Variants in BAD observed in about 807,000 individuals in gnomAD.
BAD encodes the protein bcl2-associated agonist of cell death.
BAD carries 18 observed loss-of-function variants against 17.8 expected under a neutral mutation model. The ratio of observed to expected loss-of-function variants is 1.01; its 90% CI spans 0.70 to 1.50. BAD has a LOEUF of 1.50. BAD is among the 40% of genes most tolerant of loss of function. BAD has a pLI of 0.00. For missense variants in BAD, 294 were observed against 239.3 expected (o/e 1.23, Z -1.51); for synonymous variants, 112 against 91.5 (o/e 1.22, Z -1.28).
intron 2 of BAD, among the ~76,000 whole-genome samples, chr11:64,277,291 C>T (rs1239971084): frequency 6.6e-6 from 1 of 152,210 alleles, no homozygotes; most frequent in Admixed American, 6.5e-5. Context: ...CAGACACTCG[C>T]AGCCTGTCCG....
chr11:64,284,528 C>G, intron 1 of BAD, 103 bp downstream of exon 1: 1 of 1,529,026 alleles, frequency 6.5e-7, no homozygotes, highest in Middle Eastern at 1.8e-4. Context: ...CGGGTCTGGC[C>G]TGGCAGGGAG....
chr11:64,282,243 G>T (rs1025545186), intron 2 of BAD, among the ~76,000 whole-genome samples: 2 of 152,158 alleles, frequency 1.3e-5, no homozygotes, highest in African/African-American at 4.8e-5. Context: ...AGTGTGTGTG[G>T]GGGGCAGAGA....
intron 3 of BAD, 108 bp from the exon 4 acceptor site, chr11:64,270,445 G>A (rs1266566134): frequency 5.7e-6 from 8 of 1,406,980 alleles, no homozygotes; most frequent in Non-Finnish European, 7.6e-6. Flanking sequence ...GGGAGATAAT[G>A]AAGGCCACAA....
chr11:64,280,228 G>A (rs2033360482), intron 2 of BAD, among the ~76,000 whole-genome samples: 1 of 150,732 alleles, frequency 6.6e-6, no homozygotes, highest in Non-Finnish European at 1.5e-5. Flanking sequence ...GCTGAGGCAG[G>A]AGAATGGCGT....
At chr11:64,280,546 T>C (rs1591170899) in intron 2 of BAD, among the ~76,000 whole-genome samples, 1 of 148,036 alleles carries the variant, frequency 6.8e-6, no homozygotes, top group African/African-American at 2.5e-5. Flanking sequence ...AGAGACGGGG[T>C]TTCACCGTGT....
At chr11:64,281,194 C>T (rs914035653) in intron 2 of BAD, among the ~76,000 whole-genome samples, 4 of 152,078 alleles carry the variant, frequency 2.6e-5, no homozygotes, top group Non-Finnish European at 2.9e-5. Flanking sequence ...TCTCTATCTC[C>T]TGACCTCATG....
chr11:64,283,144 G>A (rs941674300), intron 2 of BAD, among the ~76,000 whole-genome samples: 14 of 152,214 alleles, frequency 9.2e-5, no homozygotes, highest in African/African-American at 2.7e-4. Flanking sequence ...GTAAGAGAGC[G>A]AGGGGAAAGA....
chr11:64,270,155 G>A lies in BAD; in HGVS notation c.*54C>T, dbSNP rs759247628. ...GGGAAGTACTTCCGCCCATATTCAA[G>A]ATGGCTGCCCAGGGCAGTGGGAACG... On this transcript the variant is annotated 3_prime_UTR_variant, in exon 4 of 4. Transcript: ENST00000309032. 114 of 1,613,332 alleles carry A rather than the reference G, an allele frequency of 7.1e-5. No homozygotes were observed. The highest frequency in any genetic ancestry group is 9.6e-5 in the Non-Finnish European group (113 of 1,179,640).
chr11:64,270,511 C>T, intron 3 of BAD, 174 bp from the exon 4 acceptor site: 1 of 841,830 alleles, frequency 1.2e-6, no homozygotes, highest in Non-Finnish European at 1.9e-6. Context: ...CGCATGGGCC[C>T]CCAGGAATGG....
At chr11:64,284,139 G>T in intron 2 of BAD, 43 bp downstream of exon 2, 1 of 1,526,350 alleles carries the variant, frequency 6.6e-7, no homozygotes. Flanking sequence ...CCAGTGGGCT[G>T]GGGGTGAGGT....
At chr11:64,273,838 C>T (rs1420793487) in intron 2 of BAD, among the ~76,000 whole-genome samples, 4 of 140,604 alleles carry the variant, frequency 2.8e-5, no homozygotes, top group South Asian at 2.3e-4. Flanking sequence ...GCCAAGATCA[C>T]GCCACTGCAC....
chr11:64,270,040 C>T lies in BAD; in HGVS notation c.*169G>A, dbSNP rs2032390378. 5.5e-6 allele frequency: 7 copies of T among 1,277,782 alleles called. No homozygotes were observed. Among genetic ancestry groups the T allele is most frequent in the South Asian group, 3.9e-5 (3 of 75,958 alleles). The allele number at this position is 1,277,782 out of a possible 1,614,324, so 79.2% of individuals were successfully genotyped here. On this transcript the variant is annotated 3_prime_UTR_variant, in exon 4 of 4. Transcript: ENST00000309032. ...CCCAAAACTTCCGATGGGACCAAGC[C>T]TTCCGTGGCTTCACACGCACCGGAA...
intron 3 of BAD, among the ~76,000 whole-genome samples, chr11:64,271,060 GACACAC>G (rs1227014220): frequency 1.2e-3 from 1 of 848 alleles, no homozygotes; most frequent in Non-Finnish European, 6.2e-3. Flanking sequence ...CCCTGTGACT[GACACAC>G]ACACACACAC....
intron 2 of BAD, among the ~76,000 whole-genome samples, chr11:64,281,772 G>A (rs545290322): frequency 6.6e-6 from 1 of 152,284 alleles, no homozygotes; most frequent in African/African-American, 2.4e-5. Flanking sequence ...CCAGGCTGGA[G>A]TGCAGTGGCA....
chr11:64,274,218 C>T lies in BAD; in HGVS notation c.188-2415G>A, dbSNP rs549533700. Among the ~76,000 whole-genome samples the T allele has an allele frequency of 2.6e-5, 4 of 151,262 alleles. No homozygotes were observed. The East Asian group carries it at 7.9e-4, about 30-fold the overall frequency. On this transcript the variant is annotated intron_variant, in intron 2 of 3. Transcript: ENST00000309032. ...CCATCCTAACACGGTGAAACCCCAT[C>T]TGTACTAAAAGTACAAAAAATTAGC...
chr11:64,270,647 G>C (rs1449236996), intron 3 of BAD: 2 of 612,360 alleles, frequency 3.3e-6, no homozygotes, highest in South Asian at 3.0e-5. Flanking sequence ...GAGAATCAAA[G>C]GGCCGGGAGC....
At chr11:64,272,159 A>T (rs1199296064) in intron 2 of BAD, among the ~76,000 whole-genome samples, 2 of 152,162 alleles carry the variant, frequency 1.3e-5, no homozygotes, top group East Asian at 3.9e-4. Context: ...TCTCTACTCA[A>T]AACACAAAAA....
chr11:64,276,443 C>T (rs1264722965), intron 2 of BAD: 2 of 153,770 alleles, frequency 1.3e-5, no homozygotes, highest in African/African-American at 4.8e-5. Context: ...TCTCCTGCCT[C>T]AGCCTCCTGG....
At position 64,276,298 on chromosome 11, in the gene BAD, T is replaced by TTGTGTGTGTGTG. The variant is rs1555068869; in HGVS notation, c.188-4507_188-4496dup. On this transcript the variant is annotated intron_variant, in intron 2 of 3. Transcript: ENST00000309032. ...TTTATGTGTGTGTGTGTGTATATAT[T>TTGTGTGTGTGTG]TGTGTGTGTGTGTGTGTATATATAT... The TTGTGTGTGTGTG allele has an allele frequency of 6.8e-5, 10 of 146,110 alleles. No homozygotes were observed. The South Asian group carries it at 1.5e-3, about 22-fold the overall frequency. 9.1% of individuals were successfully genotyped at this position (146,110 alleles called of 1,614,324 possible).
Sources: gnomAD v4.1 joint callset for allele counts (sites outside exome capture counted in the v4.1 genomes callset) on GRCh38, gnomAD v4.1.1 for gene constraint, MANE v1.5 for transcripts, NCBI Gene and HGNC (gene_info 2026-07-23, HGNC 2026-07-21) for gene names.